Variants in MAML2 observed in about 807,000 individuals in gnomAD.
The protein encoded by MAML2 is mastermind like transcriptional coactivator 2.
Under a neutral mutation model 96.1 loss-of-function variants are expected in MAML2, and 22 were observed. The ratio of observed to expected loss-of-function variants is 0.23; its 90% CI spans 0.16 to 0.33. The LOEUF (loss-of-function observed/expected upper bound fraction) is 0.33, where lower values mean the gene tolerates loss of function less well. MAML2 is among the 10% of genes least tolerant of loss of function. MAML2 has a pLI of 1.00. For synonymous variants in MAML2, 561 were observed against 521.3 expected, an observed-to-expected ratio of 1.08 and a Z score of -1.04; for missense variants, 1,367 against 1,392.4, an observed-to-expected ratio of 0.98 and a Z score of 0.29.
At chr11:96,083,888 A>G (rs2135801511) in intron 2 of MAML2, among the ~76,000 whole-genome samples, 1 of 152,286 alleles carries the variant, frequency 6.6e-6, no homozygotes, top group Middle Eastern at 3.4e-3. Context: ...AAGCAGAGGG[A>G]GCTACCAGAC....
At chr11:96,301,458 G>A (rs753947726) in intron 1 of MAML2, among the ~76,000 whole-genome samples, 10 of 152,256 alleles carry the variant, frequency 6.6e-5, no homozygotes, top group South Asian at 6.2e-4. Flanking sequence ...TCTCCACTGC[G>A]TAGGCCAGGC....
At chr11:96,245,510 C>T (rs1157461612) in intron 1 of MAML2, among the ~76,000 whole-genome samples, 1 of 151,958 alleles carries the variant, frequency 6.6e-6, no homozygotes, top group East Asian at 1.9e-4. Flanking sequence ...AGTTTAATTC[C>T]TGAGTATACA....
chr11:95,994,444 C>A (rs531191743), intron 2 of MAML2, among the ~76,000 whole-genome samples: 18 of 152,236 alleles, frequency 1.2e-4, no homozygotes, highest in Non-Finnish European at 2.2e-4. Context: ...GGGTCATTGA[C>A]AGAATGGCAA....
intron 2 of MAML2, among the ~76,000 whole-genome samples, chr11:96,037,849 T>C (rs1487736808): frequency 6.6e-6 from 1 of 152,186 alleles, no homozygotes; most frequent in African/African-American, 2.4e-5. Flanking sequence ...TGCCTCTTGA[T>C]ATTTTAACTC....
Position 96,093,273 on chromosome 11 carries a change from G to C in MAML2, c.758C>G (p.Pro253Arg). 1 of 1,614,076 alleles carries C rather than the reference G, an allele frequency of 6.2e-7. No individual in the cohort carries two copies. The highest frequency in any genetic ancestry group is 8.5e-7 in the Non-Finnish European group (1 of 1,179,912). Residue 253 changes from proline (P) to arginine (R), a missense_variant, in exon 2 of 5, where the codon CCT becomes CGT. Coordinates refer to ENST00000524717, the MANE Select transcript of MAML2 (RefSeq NM_032427.4). Reference sequence around the variant, plus strand: ...GCCCATGTTAAACAGGCCATTGCCAGGAGAATGTGTATGGGATGGCAGAGT... The same window carrying C: ...GCCCATGTTAAACAGGCCATTGCCACGAGAATGTGTATGGGATGGCAGAGT... ...TNTLPSHTHSPGNGLFNMGLK... is the reference protein window; with the variant it reads ...TNTLPSHTHSRGNGLFNMGLK...
intron 1 of MAML2, among the ~76,000 whole-genome samples, chr11:96,325,146 T>C (rs1471356939): frequency 1.3e-5 from 2 of 152,106 alleles, no homozygotes; most frequent in Non-Finnish European, 2.9e-5. Flanking sequence ...TGTGGGTGTA[T>C]GTCTGGGAGC....
chr11:96,075,842 T>G (rs1280557978), intron 2 of MAML2, among the ~76,000 whole-genome samples: 1 of 152,198 alleles, frequency 6.6e-6, no homozygotes, highest in African/African-American at 2.4e-5. Context: ...GCTACCATGG[T>G]CAATGTGACT....
chr11:96,218,464 G>A (rs1862082684), intron 1 of MAML2, among the ~76,000 whole-genome samples: 1 of 151,740 alleles, frequency 6.6e-6, no homozygotes, highest in Non-Finnish European at 1.5e-5. Context: ...GACTTACTTG[G>A]GTCAACTGAC....
rs1591137996 is a variant in MAML2 at position 96,334,422 on chromosome 11, C to G, written c.513+6961G>C. ...CATTTCACAGTCGAGAAAACTGAGG[C>G]AAGGGAATTTAATTGACCTATCCAA... On this transcript the variant is annotated intron_variant, in intron 1 of 4. Transcript: ENST00000524717. Among the ~76,000 whole-genome samples the G allele has an allele frequency of 2.6e-5, 4 of 152,110 alleles. No homozygotes were observed. The South Asian group carries it at 8.3e-4, about 31-fold the overall frequency.
At position 96,296,475 on chromosome 11, in the gene MAML2, C is replaced by G. The variant is rs1591119452; in HGVS notation, c.513+44908G>C. Among the ~76,000 whole-genome samples the G allele has an allele frequency of 2.0e-5, 3 of 152,084 alleles. No individual in the cohort carries two copies. In the South Asian group the frequency reaches 6.2e-4, roughly 32 times the overall value. ...TGACCAACATGGTGAAACTCTGTCT[C>G]TATTAAAAATACAAAAAATTAGCTG... On this transcript the variant is annotated intron_variant, in intron 1 of 4. Transcript: ENST00000524717.
chr11:96,075,182 C>T (rs763092217), intron 2 of MAML2, among the ~76,000 whole-genome samples: 1 of 152,194 alleles, frequency 6.6e-6, no homozygotes. Context: ...TTCCTCCTGA[C>T]ATAATATTCC....
At chr11:96,113,322 T>A (rs2135835099) in intron 1 of MAML2, among the ~76,000 whole-genome samples, 1 of 152,334 alleles carries the variant, frequency 6.6e-6, no homozygotes, top group Non-Finnish European at 1.5e-5. Flanking sequence ...TATTTCAGAC[T>A]GCTCTTTACT....
At chr11:96,320,381 G>T (rs115517883) in intron 1 of MAML2, among the ~76,000 whole-genome samples, 3,107 of 152,280 alleles carry the variant, frequency 0.02, 94 homozygotes, top group African/African-American at 0.069. Context: ...GCTGACTAAA[G>T]AATATAATTT....
At chr11:96,186,084 T>C (rs562399392) in intron 1 of MAML2, among the ~76,000 whole-genome samples, 13 of 152,320 alleles carry the variant, frequency 8.5e-5, no homozygotes, top group Non-Finnish European at 1.8e-4. Flanking sequence ...AATTCTCCCA[T>C]TCTGATAGAC....
intron 1 of MAML2, among the ~76,000 whole-genome samples, chr11:96,266,936 G>A (rs7115578): frequency 0.37 from 55,894 of 152,024 alleles, 10,514 homozygotes; most frequent in East Asian, 0.55. Flanking sequence ...ACGTTATTGA[G>A]AAGTAAATCT....
intron 2 of MAML2, among the ~76,000 whole-genome samples, chr11:96,033,825 A>G (rs1331596536): frequency 6.6e-6 from 1 of 152,280 alleles, no homozygotes; most frequent in East Asian, 1.9e-4. Context: ...GAAGGGAGAT[A>G]TTCCATTTGG....
intron 1 of MAML2, among the ~76,000 whole-genome samples, chr11:96,161,396 G>A (rs1469674329): frequency 6.6e-6 from 1 of 152,154 alleles, no homozygotes; most frequent in African/African-American, 2.4e-5. Context: ...ATGACTACTT[G>A]AGCAGAACAG....
At chr11:96,192,827 T>C (rs917769011) in intron 1 of MAML2, among the ~76,000 whole-genome samples, 22 of 152,206 alleles carry the variant, frequency 1.4e-4, no homozygotes, top group Admixed American at 7.2e-4. Flanking sequence ...CAACTAGACA[T>C]TGCCTAGTGA....
intron 1 of MAML2, among the ~76,000 whole-genome samples, chr11:96,326,814 A>G (rs924482761): frequency 2.0e-5 from 3 of 152,102 alleles, no homozygotes; most frequent in Admixed American, 2.0e-4. Context: ...AACTATCTTG[A>G]GTTTAAAAGC....
Sources: allele counts gnomAD v4.1 joint callset (sites outside exome capture counted in the v4.1 genomes callset), GRCh38; gene constraint gnomAD v4.1.1; transcripts MANE v1.5; gene names NCBI Gene and HGNC (gene_info 2026-07-23, HGNC 2026-07-21).